The following PLCB1 variants were observed in gnomAD, a reference collection of about 807,000 sequenced individuals.
The protein encoded by PLCB1 is 1-phosphatidylinositol 4,5-bisphosphate phosphodiesterase beta-1.
PLCB1 carries 46 observed loss-of-function variants against 161.8 expected under a neutral mutation model. The observed-to-expected ratio is 0.28, with a 90% CI of 0.22 to 0.36. The LOEUF (loss-of-function observed/expected upper bound fraction) is 0.36, where lower values mean the gene tolerates loss of function less well. Among genes scored for constraint, PLCB1 ranks in the 10% least tolerant of loss-of-function variants. The probability of loss-of-function intolerance (pLI) is 1.00; values close to 1 mark genes in which losing one functional copy is unlikely to be tolerated. For missense variants in PLCB1, 1,016 were observed against 1,472.5 expected (o/e 0.69, Z 5.07); for synonymous variants, 517 against 503.7 (o/e 1.03, Z -0.35).
At chr20:8,505,829 T>C (rs944773241) in intron 3 of PLCB1, among the ~76,000 whole-genome samples, 1 of 151,910 alleles carries the variant, frequency 6.6e-6, no homozygotes, top group African/African-American at 2.4e-5. Context: ...TTTAAGAGAG[T>C]GAATGGGGTA....
chr20:8,228,552 A>C (rs6039101), intron 2 of PLCB1, among the ~76,000 whole-genome samples: 100,590 of 151,776 alleles, frequency 0.66, 33,519 homozygotes, highest in East Asian at 0.78. Context: ...CCCAGGCTGG[A>C]GTGCAGTGGC....
chr20:8,486,904 T>G (rs2122764072), intron 3 of PLCB1, among the ~76,000 whole-genome samples: 1 of 152,354 alleles, frequency 6.6e-6, no homozygotes, highest in Non-Finnish European at 1.5e-5. Context: ...ACTTTTGTGT[T>G]TCTGATGTGA....
At chr20:8,730,538 T>A (rs1482752197) in intron 18 of PLCB1, among the ~76,000 whole-genome samples, 1 of 151,862 alleles carries the variant, frequency 6.6e-6, no homozygotes, top group African/African-American at 2.4e-5. Flanking sequence ...TCTCCTTTAC[T>A]ACTATTAATT....
intron 18 of PLCB1, among the ~76,000 whole-genome samples, chr20:8,732,880 TTAA>T (rs533049103): frequency 0.02 from 2,875 of 146,886 alleles, 36 homozygotes; most frequent in Middle Eastern, 0.041. Context: ...TTATATTATA[TTAA>T]TATTTAACAT....
intron 2 of PLCB1, among the ~76,000 whole-genome samples, chr20:8,340,600 T>A (rs959073234): frequency 6.6e-6 from 1 of 151,762 alleles, no homozygotes; most frequent in Admixed American, 6.6e-5. Context: ...TTTTTTTGTG[T>A]TTTTTAGTAG....
chr20:8,789,472 A>G (rs540920537), intron 29 of PLCB1, 46 bp from the exon 30 acceptor site: 1 of 1,242,644 alleles, frequency 8.0e-7, no homozygotes, highest in East Asian at 2.3e-5. Context: ...CCATTTGTCA[A>G]TTCTGGATGA....
chr20:8,681,086 G>GTATATATATATATATATA (rs202198416), intron 9 of PLCB1, among the ~76,000 whole-genome samples: 70 of 73,828 alleles, frequency 9.5e-4, no homozygotes, highest in Admixed American at 9.5e-4. Flanking sequence ...ATGTGTGTGT[G>GTATATATATATATATATA]TATATATATA....
At chr20:8,371,694 C>T (rs951726200) in intron 3 of PLCB1, 1 of 382,456 alleles carries the variant, frequency 2.6e-6, no homozygotes, top group African/African-American at 2.1e-5. Flanking sequence ...AAAAAAAAGA[C>T]AACGACAACA....
At chr20:8,329,469 C>T (rs114120278) in intron 2 of PLCB1, among the ~76,000 whole-genome samples, 1,773 of 150,924 alleles carry the variant, frequency 0.012, 31 homozygotes, top group African/African-American at 0.041. Flanking sequence ...TTGTTTTTAT[C>T]CACCACATCT....
chr20:8,232,923 T>C (rs562814659), intron 2 of PLCB1, among the ~76,000 whole-genome samples: 1 of 152,296 alleles, frequency 6.6e-6, no homozygotes, highest in Non-Finnish European at 1.5e-5. Context: ...AATCTGCCAC[T>C]ATGCTATGGG....
intron 26 of PLCB1, among the ~76,000 whole-genome samples, chr20:8,769,254 A>T (rs1225303226): frequency 6.6e-6 from 1 of 152,030 alleles, no homozygotes; most frequent in Admixed American, 6.5e-5. Flanking sequence ...AACTCATAAC[A>T]TTTTTAAAAT....
rs370754155 is a variant in PLCB1 at position 8,412,072 on chromosome 20, C to T, written c.246+40622C>T. On this transcript the variant is annotated intron_variant, in intron 3 of 31. Transcript: ENST00000338037. ...ACAATTTCCTCAGTAAAGAAATTGACGCTTATAAATAATAAAATTATGGAT... is the reference window on the plus strand; with the variant it reads ...ACAATTTCCTCAGTAAAGAAATTGATGCTTATAAATAATAAAATTATGGAT... 6.1e-4 allele frequency among the ~76,000 whole-genome samples: 93 copies of T among 152,070 alleles called. No homozygotes were observed. In the South Asian group the frequency reaches 0.011, roughly 19 times the overall value.
At chr20:8,568,807 T>A (rs144755425) in intron 3 of PLCB1, among the ~76,000 whole-genome samples, 2 of 152,300 alleles carry the variant, frequency 1.3e-5, no homozygotes, top group Non-Finnish European at 2.9e-5. Context: ...GAGACACTTT[T>A]GGGTACAAAG....
chr20:8,440,759 A>G (rs904134360), intron 3 of PLCB1, among the ~76,000 whole-genome samples: 2 of 152,146 alleles, frequency 1.3e-5, no homozygotes, highest in South Asian at 2.1e-4. Flanking sequence ...GTTAACAATC[A>G]TATGGTATAT....
At chr20:8,757,300 G>T (rs6118306) in intron 24 of PLCB1, 122 bp downstream of exon 24, 13 of 1,001,482 alleles carry the variant, frequency 1.3e-5, no homozygotes, top group Admixed American at 2.6e-5. Flanking sequence ...TGTGGACTTA[G>T]GAGGAGCTCC....
rs1403594145 is a variant in PLCB1, at chr20:8,417,048, C to T, written c.246+45598C>T. On this transcript the variant is annotated intron_variant, in intron 3 of 31. Transcript: ENST00000338037. ...GTATACACACACACACACACACACA[C>T]ACACACATATATATATATATATATA... Among the ~76,000 whole-genome samples the T allele has an allele frequency of 7.9e-4, 44 of 55,778 alleles. 1 individual carries two copies. The highest frequency in any genetic ancestry group is 2.8e-3 in the African/African-American group (41 of 14,844). 36.6% of individuals were successfully genotyped at this position (55,778 alleles called of 152,430 possible).
At chr20:8,815,365 C>T (rs1453964696) in intron 31 of PLCB1, among the ~76,000 whole-genome samples, 1 of 152,196 alleles carries the variant, frequency 6.6e-6, no homozygotes, top group Non-Finnish European at 1.5e-5. Context: ...GGTGTTCAGA[C>T]TGTAGTGCCA....
At chr20:8,510,489 G>C (rs1371586629) in intron 3 of PLCB1, among the ~76,000 whole-genome samples, 1 of 150,194 alleles carries the variant, frequency 6.7e-6, no homozygotes, top group African/African-American at 2.4e-5. Context: ...AGGTTCAAGC[G>C]ATTCTCCTGC....
At chr20:8,541,221 A>G in intron 3 of PLCB1, among the ~76,000 whole-genome samples, 1 of 152,196 alleles carries the variant, frequency 6.6e-6, no homozygotes, top group East Asian at 1.9e-4. Flanking sequence ...GTTTCAACAT[A>G]TAGTAGCTTT....
Sources: allele counts gnomAD v4.1 joint callset (sites outside exome capture counted in the v4.1 genomes callset), GRCh38; gene constraint gnomAD v4.1.1; transcripts MANE v1.5; gene names NCBI Gene and HGNC (gene_info 2026-07-23, HGNC 2026-07-21).